The following SLC39A12 variants were observed in gnomAD, a reference collection of about 807,000 sequenced individuals.
The protein encoded by SLC39A12 is solute carrier family 39 member 12.
SLC39A12 carries 63 observed loss-of-function variants against 71.1 expected under a neutral mutation model. The observed-to-expected ratio is 0.89, with a 90% CI of 0.72 to 1.09. The LOEUF is 1.09. Among genes scored for constraint, SLC39A12 ranks in the 50% least tolerant of loss-of-function variants. The pLI, the probability that SLC39A12 is intolerant of heterozygous loss-of-function variation, is 0.00. For synonymous variants in SLC39A12, 351 were observed against 301.3 expected, an observed-to-expected ratio of 1.16 and a Z score of -1.71; for missense variants, 892 against 812.6, an observed-to-expected ratio of 1.10 and a Z score of -1.19.
chr10:18,033,284 C>G (rs866749816), intron 12 of SLC39A12, among the ~76,000 whole-genome samples: 8,616 of 148,172 alleles, frequency 0.058, 339 homozygotes, highest in Middle Eastern at 0.13. Flanking sequence ...TGGTCCTGGA[C>G]TCTTTTTGGT....
rs202234891 is a variant in SLC39A12, at chr10:17,953,408, A to T, written c.132A>T (p.Ala44=). 1.9e-6 allele frequency: 3 copies of T among 1,614,080 alleles called. No individual in the cohort carries two copies. Among genetic ancestry groups the T allele is most frequent in the Middle Eastern group, 1.6e-4 (1 of 6,084 alleles). ...GCCGTGGGAGTTCAGGCCAACCGGCAGACCTGCTACAGGTTCTCTCTGCTG... is the reference window on the plus strand; with the variant it reads ...GCCGTGGGAGTTCAGGCCAACCGGCTGACCTGCTACAGGTTCTCTCTGCTG... ...SRSRGSSGQP[A]DLLQVLSAGD... Residue 44 remains alanine (A), a synonymous_variant, in exon 2 of 13, where the codon GCA becomes GCT. Transcript: ENST00000377369.
At chr10:18,031,238 G>A (rs891309499) in intron 12 of SLC39A12, among the ~76,000 whole-genome samples, 28 of 146,072 alleles carry the variant, frequency 1.9e-4, no homozygotes, top group African/African-American at 7.0e-4. Context: ...CTTCCACAAT[G>A]GTTGAACTAG....
intron 3 of SLC39A12, among the ~76,000 whole-genome samples, 195 bp from the exon 4 acceptor site, chr10:17,965,288 A>G (rs185947295): frequency 6.6e-6 from 1 of 152,328 alleles, no homozygotes; most frequent in Non-Finnish European, 1.5e-5. Flanking sequence ...ATTCAGTGCC[A>G]TGGTAGATAA....
At chr10:18,008,339 A>C (rs1836094768) in intron 12 of SLC39A12, among the ~76,000 whole-genome samples, 1 of 152,122 alleles carries the variant, frequency 6.6e-6, no homozygotes, top group Admixed American at 6.5e-5. Context: ...ACTCCTTATG[A>C]GAATCTAATG....
At chr10:18,032,853 G>T (rs1836889687) in intron 12 of SLC39A12, among the ~76,000 whole-genome samples, 2 of 139,808 alleles carry the variant, frequency 1.4e-5, no homozygotes, top group Admixed American at 7.2e-5. Flanking sequence ...AGAGTTTTTA[G>T]CATGAAGGGT....
chr10:17,962,062 C>G (rs80088795), intron 3 of SLC39A12, among the ~76,000 whole-genome samples, 200 bp downstream of exon 3: 186 of 152,240 alleles, frequency 1.2e-3, no homozygotes, highest in African/African-American at 4.0e-3. Context: ...ATTGGAAGAG[C>G]AGTTTTCGCC....
intron 12 of SLC39A12, among the ~76,000 whole-genome samples, chr10:18,028,582 C>G (rs1836746630): frequency 6.6e-6 from 1 of 152,206 alleles, no homozygotes; most frequent in African/African-American, 2.4e-5. Context: ...ACAGTTATCA[C>G]ATAGGACCAG....
chr10:17,970,398 T>C (rs2130792694), intron 4 of SLC39A12, among the ~76,000 whole-genome samples: 1 of 152,296 alleles, frequency 6.6e-6, no homozygotes, highest in Middle Eastern at 3.4e-3. Context: ...TTTAACAATA[T>C]TTATTTTTCC....
chr10:18,030,383 GC>G (rs1836806732), intron 12 of SLC39A12, among the ~76,000 whole-genome samples: 1 of 151,452 alleles, frequency 6.6e-6, no homozygotes, highest in Non-Finnish European at 1.5e-5. Context: ...GACCACATGG[GC>G]CCACCACCAC....
intron 12 of SLC39A12, among the ~76,000 whole-genome samples, chr10:18,014,417 A>G (rs1055442088): frequency 6.6e-6 from 1 of 152,204 alleles, no homozygotes; most frequent in Non-Finnish European, 1.5e-5. Context: ...GTATTCTACA[A>G]GCAGTATTTT....
rs1377872721 is a variant in SLC39A12 at position 17,952,308 on chromosome 10, A to T, written c.-87+283A>T. On this transcript the variant is annotated intron_variant, in intron 1 of 12. Coordinates refer to ENST00000377369, the MANE Select transcript of SLC39A12 (RefSeq NM_001145195.2). Reference sequence around the variant, plus strand: ...CCACTCCTTTAGTCACCACTGAGTGAGTGTGTGTGTGTGTGTGTGTCATGT... The same window carrying T: ...CCACTCCTTTAGTCACCACTGAGTGTGTGTGTGTGTGTGTGTGTGTCATGT... 2.7e-5 allele frequency among the ~76,000 whole-genome samples: 4 copies of T among 150,312 alleles called. No homozygotes were observed. The East Asian group carries it at 7.8e-4, about 29-fold the overall frequency.
chr10:18,041,623 GTA>G (rs1159636800), intron 12 of SLC39A12, among the ~76,000 whole-genome samples: 1 of 118,082 alleles, frequency 8.5e-6, no homozygotes, highest in African/African-American at 3.4e-5. Context: ...ATATACATAT[GTA>G]TATATGTGTA....
intron 12 of SLC39A12, among the ~76,000 whole-genome samples, chr10:18,008,974 G>A (rs1433147093): frequency 2.0e-5 from 3 of 152,088 alleles, no homozygotes; most frequent in East Asian, 3.9e-4. Flanking sequence ...AGAAAAAAAA[G>A]CCCTCAAAGT....
chr10:18,034,058 G>A (rs1371583704), intron 12 of SLC39A12, among the ~76,000 whole-genome samples: 3 of 149,400 alleles, frequency 2.0e-5, no homozygotes, highest in Non-Finnish European at 3.0e-5. Flanking sequence ...GCTGAGGAGA[G>A]CTTTACTTCC....
rs201621931 is a variant in SLC39A12 at position 18,031,639 on chromosome 10, G to C, written c.1948-11066G>C. Among the ~76,000 whole-genome samples the C allele has an allele frequency of 1.1e-3, 127 of 119,710 alleles. 2 individuals are homozygous for C. In the East Asian group the frequency reaches 0.024, roughly 23 times the overall value. 78.5% of individuals were successfully genotyped at this position (119,710 alleles called of 152,430 possible). On this transcript the variant is annotated intron_variant, in intron 12 of 12. Coordinates refer to ENST00000377369, the MANE Select transcript of SLC39A12 (RefSeq NM_001145195.2). ...TGGTAGTTTCTTTTGCTGTGCAGAA[G>C]CTCTTTAGTTTAATTAGATCCCATT...
intron 12 of SLC39A12, among the ~76,000 whole-genome samples, chr10:18,041,888 CATATATGTATATGT>C (rs1764242501): frequency 6.9e-6 from 1 of 145,580 alleles, no homozygotes; most frequent in African/African-American, 2.5e-5. Flanking sequence ...TATATACACA[CATATATGTATATGT>C]ATATATGTAT....
intron 7 of SLC39A12, among the ~76,000 whole-genome samples, chr10:17,990,182 A>G (rs1458028365): frequency 1.3e-5 from 2 of 152,164 alleles, no homozygotes; most frequent in Non-Finnish European, 2.9e-5. Flanking sequence ...AATAATGGTC[A>G]TTAGAAGTAT....
intron 8 of SLC39A12, among the ~76,000 whole-genome samples, chr10:17,991,961 C>T (rs930163558): frequency 3.4e-4 from 51 of 151,718 alleles, no homozygotes; most frequent in African/African-American, 8.5e-4. Flanking sequence ...TGATGCCGCG[C>T]GCCTGTAATC....
At chr10:18,039,717 C>A (rs559687266) in intron 12 of SLC39A12, among the ~76,000 whole-genome samples, 7 of 151,988 alleles carry the variant, frequency 4.6e-5, no homozygotes, top group Non-Finnish European at 8.8e-5. Flanking sequence ...AACAGTGAGA[C>A]CCTGAATCAA....
Sources: allele counts gnomAD v4.1 joint callset (sites outside exome capture counted in the v4.1 genomes callset), GRCh38; gene constraint gnomAD v4.1.1; transcripts MANE v1.5; gene names NCBI Gene and HGNC (gene_info 2026-07-23, HGNC 2026-07-21).